SLC35F1: variants seen among roughly 807,000 people sequenced by gnomAD.
SLC35F1 encodes chromosome 6 open reading frame 169.
SLC35F1 carries 14 observed loss-of-function variants against 48.7 expected under a neutral mutation model. The ratio of observed to expected loss-of-function variants is 0.29; its 90% confidence interval spans 0.19 to 0.45. The LOEUF is 0.45. Among genes scored for constraint, SLC35F1 ranks in the 20% least tolerant of loss-of-function variants. The pLI, the probability that SLC35F1 is intolerant of heterozygous loss-of-function variation, is 1.00. For synonymous variants in SLC35F1, 190 were observed against 202.2 expected (o/e 0.94, Z 0.51); for missense variants, 404 against 500.0 (o/e 0.81, Z 1.83).
intron 1 of SLC35F1, among the ~76,000 whole-genome samples, chr6:118,141,588 T>A (rs189595442): frequency 1.3e-5 from 2 of 152,306 alleles, no homozygotes; most frequent in East Asian, 3.9e-4. Context: ...GGTTGCAGAC[T>A]GCCACTGTAT....
intron 2 of SLC35F1, among the ~76,000 whole-genome samples, chr6:118,174,898 A>G (rs1774463982): frequency 6.6e-6 from 1 of 152,118 alleles, no homozygotes; most frequent in Non-Finnish European, 1.5e-5. Context: ...CTGAAGAAAA[A>G]AAAAACAACC....
chr6:118,004,032 A>C (rs542921313), intron 1 of SLC35F1, among the ~76,000 whole-genome samples: 19 of 152,346 alleles, frequency 1.2e-4, no homozygotes, highest in African/African-American at 4.3e-4. Context: ...TGCAAGTGAA[A>C]GTAACTTACC....
intron 1 of SLC35F1, among the ~76,000 whole-genome samples, chr6:118,043,232 T>G (rs1351520498): frequency 6.6e-6 from 1 of 152,154 alleles, no homozygotes; most frequent in Non-Finnish European, 1.5e-5. Context: ...ACTTTAACAT[T>G]GATGATTCTG....
chr6:118,086,993 T>A (rs540822403), intron 1 of SLC35F1, among the ~76,000 whole-genome samples: 1 of 152,218 alleles, frequency 6.6e-6, no homozygotes, highest in East Asian at 1.9e-4. Context: ...TTGGTCTACA[T>A]GTCTGACTGT....
At chr6:117,940,393 CTTAT>C (rs1237716938) in intron 1 of SLC35F1, among the ~76,000 whole-genome samples, 1 of 152,092 alleles carries the variant, frequency 6.6e-6, no homozygotes, top group Non-Finnish European at 1.5e-5. Flanking sequence ...TTTGTTCTTG[CTTAT>C]TTATTCATTT....
chr6:118,057,162 G>A (rs1328338123), intron 1 of SLC35F1, among the ~76,000 whole-genome samples: 2 of 152,110 alleles, frequency 1.3e-5, no homozygotes, highest in Admixed American at 1.3e-4. Flanking sequence ...CATATCACGT[G>A]AGCCATTTAG....
intron 1 of SLC35F1, among the ~76,000 whole-genome samples, chr6:118,133,071 TCTAACTCTCTGGGAATAACAGA>T (rs1236578881): frequency 6.6e-6 from 1 of 152,146 alleles, no homozygotes; most frequent in Non-Finnish European, 1.5e-5. Flanking sequence ...CTGGAAAGGC[TCTAACTCTCTGGGAATAACAGA>T]TTCAAGAGTT....
chr6:117,962,011 G>A (rs1776504222), intron 1 of SLC35F1, among the ~76,000 whole-genome samples: 1 of 152,210 alleles, frequency 6.6e-6, no homozygotes, highest in African/African-American at 2.4e-5. Context: ...GTGAGGACCT[G>A]TGTCTGATGA....
intron 2 of SLC35F1, among the ~76,000 whole-genome samples, chr6:118,199,333 C>T (rs149602615): frequency 1.4e-4 from 22 of 152,284 alleles, no homozygotes; most frequent in African/African-American, 5.1e-4. Context: ...CTTATATTTA[C>T]ATTTTTATGC....
chr6:118,012,055 G>C (rs1402282818), intron 1 of SLC35F1, among the ~76,000 whole-genome samples: 1 of 152,140 alleles, frequency 6.6e-6, no homozygotes, highest in East Asian at 1.9e-4. Flanking sequence ...TTAATGGCAT[G>C]CATAGATCTT....
chr6:117,921,327 C>A (rs1433401054), intron 1 of SLC35F1, among the ~76,000 whole-genome samples: 1 of 152,224 alleles, frequency 6.6e-6, no homozygotes, highest in Admixed American at 6.5e-5. Flanking sequence ...TGTGAATGCA[C>A]CTGTAGAACA....
chr6:117,956,612 G>A (rs1365426617), intron 1 of SLC35F1, among the ~76,000 whole-genome samples: 3 of 152,148 alleles, frequency 2.0e-5, no homozygotes, highest in Non-Finnish European at 4.4e-5. Flanking sequence ...CCTTATTAAC[G>A]GGCCACTGCC....
rs181190089 is a variant in SLC35F1 at position 118,316,917 on chromosome 6, A to C, written c.*2665A>C. 1.4e-5 allele frequency: 2 copies of C among 141,870 alleles called. No homozygotes were observed. Among genetic ancestry groups the C allele is most frequent in the African/African-American group, 5.6e-5 (2 of 35,684 alleles). 8.8% of individuals were successfully genotyped at this position (141,870 alleles called of 1,614,324 possible). On this transcript the variant is annotated 3_prime_UTR_variant, in exon 8 of 8. Transcript: ENST00000360388. ...AGGAGTTCCAGACTGACCCTCCAGG[A>C]AAAAAAAAATCGCAAAGAACAAATT...
intron 1 of SLC35F1, among the ~76,000 whole-genome samples, chr6:117,928,457 C>G (rs11961202): frequency 0.47 from 70,816 of 151,892 alleles, 18,930 homozygotes; most frequent in South Asian, 0.73. Flanking sequence ...ACAAACAAAT[C>G]CCCTCCAAAT....
chr6:117,974,529 T>C (rs1409809380), intron 1 of SLC35F1, among the ~76,000 whole-genome samples: 3 of 152,184 alleles, frequency 2.0e-5, no homozygotes, highest in African/African-American at 7.2e-5. Flanking sequence ...TTTTGGAGTG[T>C]CTGAGCTCAA....
At chr6:118,091,607 T>C (rs1268490148) in intron 1 of SLC35F1, among the ~76,000 whole-genome samples, 2 of 152,152 alleles carry the variant, frequency 1.3e-5, no homozygotes, top group Non-Finnish European at 2.9e-5. Context: ...TTATTAGCAG[T>C]GTAAGAATGA....
chr6:118,194,293 T>C (rs964558430), intron 2 of SLC35F1, among the ~76,000 whole-genome samples: 16 of 152,146 alleles, frequency 1.1e-4, no homozygotes, highest in African/African-American at 3.6e-4. Flanking sequence ...AAGTTGTTCA[T>C]GGAGGGGAAA....
At chr6:118,196,100 C>T (rs1411039587) in intron 2 of SLC35F1, among the ~76,000 whole-genome samples, 9 of 152,102 alleles carry the variant, frequency 5.9e-5, no homozygotes, top group Admixed American at 5.2e-4. Flanking sequence ...AGTAAAGTGA[C>T]GTATGGAAAT....
chr6:117,987,533 T>C (rs934354128), intron 1 of SLC35F1, among the ~76,000 whole-genome samples: 1 of 151,934 alleles, frequency 6.6e-6, no homozygotes, highest in African/African-American at 2.4e-5. Context: ...CAGCCCAAAC[T>C]CTGCACAGAC....
Sources: allele counts gnomAD v4.1 joint callset (sites outside exome capture counted in the v4.1 genomes callset), GRCh38; gene constraint gnomAD v4.1.1; transcripts MANE v1.5; gene names NCBI Gene and HGNC (gene_info 2026-07-23, HGNC 2026-07-21).